Variants in EPB41 observed in about 807,000 individuals in gnomAD.
EPB41 encodes the protein erythrocyte membrane protein band 4.1.
In EPB41, 65 loss-of-function variants were observed where a neutral mutation model predicts 108.0. That is an observed-to-expected ratio of 0.60 (90% CI 0.49 to 0.74). The LOEUF (loss-of-function observed/expected upper bound fraction) is 0.74, where lower values mean the gene tolerates loss of function less well. EPB41 is among the 30% of genes least tolerant of loss of function. The pLI is 0.00. For missense variants in EPB41, 875 were observed against 1,037.0 expected, an observed-to-expected ratio of 0.84 and a Z score of 2.15; for synonymous variants, 336 against 358.9, an observed-to-expected ratio of 0.94 and a Z score of 0.72.
intron 5 of EPB41, among the ~76,000 whole-genome samples, chr1:29,012,392 A>G (rs1040578090): frequency 1.3e-5 from 2 of 152,218 alleles, no homozygotes; most frequent in African/African-American, 4.8e-5. Flanking sequence ...AAACTGCAGT[A>G]TAAAGGACTG....
rs1037651044 is a variant in EPB41, at chr1:29,119,161, C to T, written c.*2349C>T. On this transcript the variant is annotated 3_prime_UTR_variant, in exon 21 of 21. Transcript: ENST00000343067. ...GAAAAGAGCTCTAATGCCTTTCAGG[C>T]TCTTAGAAGCCATAGATTTGGACAA... The T allele has an allele frequency of 2.0e-4, 30 of 152,592 alleles. No individual in the cohort carries two copies. Among genetic ancestry groups the T allele is most frequent in the African/African-American group, 7.2e-4 (30 of 41,450 alleles). The allele number at this position is 152,592 out of a possible 1,614,324, so 9.5% of individuals were successfully genotyped here.
At chr1:28,914,379 C>G (rs1290385965), upstream of EPB41, among the ~76,000 whole-genome samples, 1 of 152,236 alleles carries the variant, frequency 6.6e-6, no homozygotes, top group South Asian at 2.1e-4. Context: ...CTCTCCTTAC[C>G]GGCCTAGGGG....
At chr1:29,013,834 G>GTTTT (rs537368192) in intron 5 of EPB41, among the ~76,000 whole-genome samples, 34 of 131,828 alleles carry the variant, frequency 2.6e-4, no homozygotes, top group African/African-American at 4.1e-4. Flanking sequence ...CAGCCCTTAA[G>GTTTT]TTTTTTTTTT....
At chr1:28,962,219 C>G (rs1334055025) in intron 1 of EPB41, among the ~76,000 whole-genome samples, 1 of 151,990 alleles carries the variant, frequency 6.6e-6, no homozygotes, top group Non-Finnish European at 1.5e-5. Context: ...CGCCATCATG[C>G]CCGGCTAATT....
rs75982992 is a variant in EPB41 at position 28,897,235 on chromosome 1, G to C, written c.-8+10025G>C. On this transcript the variant is annotated intron_variant, in intron 1 of 16. Transcript: ENST00000347529. ...AAAGCCCTGGGTTCTAGACCTACCAGTGTTACTGAGTGTCTGTGCCACCTC... is the reference window on the plus strand; with the variant it reads ...AAAGCCCTGGGTTCTAGACCTACCACTGTTACTGAGTGTCTGTGCCACCTC... 8.2e-3 allele frequency among the ~76,000 whole-genome samples: 1,244 copies of C among 152,094 alleles called. 17 individuals are homozygous for C. Among genetic ancestry groups the C allele is most frequent in the African/African-American group, 0.028 (1,173 of 41,482 alleles).
At chr1:28,963,330 A>G (rs1334450135) in intron 1 of EPB41, among the ~76,000 whole-genome samples, 2 of 147,132 alleles carry the variant, frequency 1.4e-5, no homozygotes, top group Admixed American at 7.0e-5. Context: ...AGCTACATTC[A>G]GTAAAATCAG....
chr1:29,056,157 C>G (rs1468489263), intron 12 of EPB41, among the ~76,000 whole-genome samples: 13 of 151,252 alleles, frequency 8.6e-5, no homozygotes, highest in Non-Finnish European at 1.5e-4. Flanking sequence ...TGGCGTGAAC[C>G]CGGGAGGCGG....
intron 16 of EPB41, among the ~76,000 whole-genome samples, chr1:29,080,708 TA>T (rs1171170664): frequency 2.0e-5 from 3 of 152,198 alleles, no homozygotes. Flanking sequence ...TACTTTCTAA[TA>T]AATCCCTATG....
intron 4 of EPB41, 128 bp downstream of exon 4, chr1:28,997,447 T>C: frequency 1.5e-6 from 1 of 683,876 alleles, no homozygotes; most frequent in South Asian, 1.6e-5. Context: ...TACTCTTATT[T>C]CTTAGATTTT....
chr1:28,986,772 A>AG (rs1364204343), intron 1 of EPB41, among the ~76,000 whole-genome samples: 1 of 151,924 alleles, frequency 6.6e-6, no homozygotes, highest in Non-Finnish European at 1.5e-5. Context: ...CTCCACAAAA[A>AG]GGAAAAAAAA....
At chr1:28,985,498 A>G (rs969967280) in intron 1 of EPB41, among the ~76,000 whole-genome samples, 2 of 152,206 alleles carry the variant, frequency 1.3e-5, no homozygotes, top group Non-Finnish European at 2.9e-5. Context: ...ATCTGGGGGC[A>G]TGAAGGCCAA....
chr1:29,033,604 C>T (rs572385040), intron 9 of EPB41, among the ~76,000 whole-genome samples: 2 of 152,236 alleles, frequency 1.3e-5, no homozygotes, highest in African/African-American at 4.8e-5. Flanking sequence ...TTTGGCATCA[C>T]CAATCCTTTA....
chr1:29,057,373 C>CAAAAAAAAA (rs72047998), intron 12 of EPB41, among the ~76,000 whole-genome samples: 22 of 65,174 alleles, frequency 3.4e-4, no homozygotes, highest in Non-Finnish European at 3.8e-4. Flanking sequence ...GACTCTGTCT[C>CAAAAAAAAA]AAAAAAAAAA....
At chr1:28,887,129 A>C (rs2089501555), upstream of EPB41, 1 of 891,604 alleles carries the variant, frequency 1.1e-6, no homozygotes, top group South Asian at 1.4e-5. This position sits in a 1 kb window ranked among gnomAD's most constrained non-coding sequence, Gnocchi z 4.9. Flanking sequence ...CCGGCGGGGC[A>C]AAGTGGCAGG....
intron 17 of EPB41, 57 bp from the exon 18 acceptor site, chr1:29,109,279 C>T: frequency 7.5e-7 from 1 of 1,336,254 alleles, no homozygotes; most frequent in Non-Finnish European, 1.1e-6. Context: ...CTGCAGCCTG[C>T]AACATTTGCC....
intron 1 of EPB41, among the ~76,000 whole-genome samples, chr1:28,944,985 G>T (rs977780939): frequency 6.6e-6 from 1 of 151,658 alleles, no homozygotes; most frequent in Non-Finnish European, 1.5e-5. Context: ...CACCTACTTG[G>T]GGGTCTGAGG....
intron 1 of EPB41, among the ~76,000 whole-genome samples, chr1:28,906,525 A>C (rs943716098): frequency 6.6e-6 from 1 of 152,134 alleles, no homozygotes; most frequent in Non-Finnish European, 1.5e-5. Context: ...GTAAGAGAAT[A>C]GGGTTGGAGA....
At chr1:28,986,358 G>C (rs2095869278) in intron 1 of EPB41, among the ~76,000 whole-genome samples, 1 of 152,170 alleles carries the variant, frequency 6.6e-6, no homozygotes, top group African/African-American at 2.4e-5. Context: ...TTATTCTTTA[G>C]TAAAGTAGAC....
intron 9 of EPB41, among the ~76,000 whole-genome samples, chr1:29,033,724 C>T (rs1638323305): frequency 6.6e-6 from 1 of 152,140 alleles, no homozygotes; most frequent in South Asian, 2.1e-4. Flanking sequence ...CAACTTTGTA[C>T]CAGTTAATTC....
Sources: gnomAD v4.1 joint callset for allele counts (sites outside exome capture counted in the v4.1 genomes callset) on GRCh38, gnomAD v4.1.1 for gene constraint, Gnocchi (gnomAD v3.1) non-coding constraint, MANE v1.5 for transcripts, NCBI Gene and HGNC (gene_info 2026-07-23, HGNC 2026-07-21) for gene names.